Variants in PHACTR4 observed in about 807,000 individuals in gnomAD.
PHACTR4 encodes phosphatase and actin regulator 4.
PHACTR4 carries 51 observed loss-of-function variants against 72.7 expected under a neutral mutation model. The observed-to-expected ratio is 0.70, with a 90% confidence interval of 0.56 to 0.89. PHACTR4 has a LOEUF of 0.89. Among genes scored for constraint, PHACTR4 ranks in the 40% least tolerant of loss-of-function variants. PHACTR4 has a pLI of 0.00. For missense variants in PHACTR4, 731 were observed against 861.8 expected (o/e 0.85, Z 1.90); for synonymous variants, 255 against 302.5 (o/e 0.84, Z 1.63).
Position 28,465,711 on chromosome 1 carries a change from G to A in PHACTR4, c.298G>A (p.Asp100Asn), listed in dbSNP as rs752064929. Residue 100 changes from aspartate (D) to asparagine (N), a missense_variant, in exon 5 of 14, where the codon GAT (aspartate) becomes AAT (asparagine). Coordinates refer to ENST00000373839, the MANE Select transcript of PHACTR4 (RefSeq NM_001048183.3). The part of the protein sequence containing the change: ...QGGEDPGKPS[D>N]AMLKNGHTTP... ...TGGTGAGGATCCAGGAAAGCCAAGC[G>A]ATGCCATGTTAAAGAATGGCCATAC... is the stretch of plus-strand genomic sequence containing the variant. The A allele has an allele frequency of 2.5e-6, 4 of 1,613,702 alleles. No individual in the cohort carries two copies. Among genetic ancestry groups the A allele is most frequent in the East Asian group, 2.2e-5 (1 of 44,858 alleles).
At chr1:28,481,747 G>A (rs1418028159) in intron 9 of PHACTR4, among the ~76,000 whole-genome samples, 1 of 149,886 alleles carries the variant, frequency 6.7e-6, no homozygotes, top group Non-Finnish European at 1.5e-5. Context: ...CTGAGATCGC[G>A]CCACTGTACT....
At position 28,459,250 on chromosome 1, in the gene PHACTR4, C is replaced by G; in HGVS notation, c.182C>G (p.Thr61Ser). The G allele has an allele frequency of 6.2e-7, 1 of 1,612,438 alleles. No homozygotes were observed. The highest frequency in any genetic ancestry group is 1.1e-5 in the South Asian group (1 of 91,026). ...KKKSSDKFKE[T>S]SEVLERKISM... ...AAAAGTAGTGATAAATTTAAAGAGA[C>G]TTCAGAAGGTGAGATATTAAGGGTT... Residue 61 changes from threonine (T) to serine (S), a missense_variant, in exon 3 of 14, where the codon ACT (threonine) becomes AGT (serine). Thr to Ser is a moderately conservative substitution (Grantham distance 58). Transcript: ENST00000373839.
intron 2 of PHACTR4, among the ~76,000 whole-genome samples, chr1:28,455,118 T>C (rs1180903592): frequency 4.0e-5 from 6 of 150,908 alleles, no homozygotes; most frequent in Admixed American, 3.3e-4. Context: ...GATCCACCTG[T>C]CTCGGCCTCC....
intron 2 of PHACTR4, among the ~76,000 whole-genome samples, chr1:28,444,811 T>A (rs191094867): frequency 2.1e-5 from 3 of 140,470 alleles, no homozygotes; most frequent in Non-Finnish European, 4.6e-5. Context: ...GTATTTTTAG[T>A]AGAGACGGGG....
At chr1:28,376,295 A>G (rs1441875571) in intron 1 of PHACTR4, among the ~76,000 whole-genome samples, 1 of 147,390 alleles carries the variant, frequency 6.8e-6, no homozygotes, top group African/African-American at 2.5e-5. Flanking sequence ...CCTGGGTGAC[A>G]GAGTGAGACC....
At chr1:28,486,511 A>G (rs1015966717) in intron 9 of PHACTR4, among the ~76,000 whole-genome samples, 1 of 152,104 alleles carries the variant, frequency 6.6e-6, no homozygotes, top group Non-Finnish European at 1.5e-5. Flanking sequence ...TGTCAGTTAT[A>G]TCGTATTAAA....
intron 1 of PHACTR4, among the ~76,000 whole-genome samples, chr1:28,394,498 C>T (rs1158548406): frequency 1.3e-5 from 2 of 151,948 alleles, no homozygotes; most frequent in East Asian, 1.9e-4. Context: ...GCTATGTTGC[C>T]TGGGCTGGTC....
intron 4 of PHACTR4, among the ~76,000 whole-genome samples, chr1:28,463,859 G>A (rs554184473): frequency 3.0e-4 from 45 of 151,848 alleles, no homozygotes; most frequent in African/African-American, 1.0e-3. Flanking sequence ...CAGCCTCCCA[G>A]GTAGCTGGGA....
In PHACTR4 at chr1:28,458,597, GA is replaced by G. The variant is rs1482671756; in HGVS notation, c.17-486del. ...TTTCCAATACCTAGGGTCCTTTTGT[GA>G]AGGGAGAAAATAATTTGATGAGCAG... On this transcript the variant is annotated intron_variant, in intron 2 of 13. Coordinates refer to ENST00000373839, the MANE Select transcript of PHACTR4 (RefSeq NM_001048183.3). Among the ~76,000 whole-genome samples, 3 of 152,226 alleles carry G rather than the reference GA, an allele frequency of 2.0e-5. No individual in the cohort carries two copies. In the East Asian group the frequency reaches 5.8e-4, roughly 29 times the overall value.
At chr1:28,424,681 G>C (rs944259338) in intron 2 of PHACTR4, among the ~76,000 whole-genome samples, 2 of 151,828 alleles carry the variant, frequency 1.3e-5, no homozygotes, top group African/African-American at 4.8e-5. Context: ...GTAGAGATGG[G>C]GTTTCACTGT....
At chr1:28,416,620 C>A (rs1045982499) in intron 2 of PHACTR4, among the ~76,000 whole-genome samples, 3 of 152,314 alleles carry the variant, frequency 2.0e-5, no homozygotes, top group East Asian at 3.9e-4. Flanking sequence ...CTTCTGACTA[C>A]GTCTTACTCC....
chr1:28,386,096 G>T (rs1652540953), intron 1 of PHACTR4, among the ~76,000 whole-genome samples: 1 of 151,840 alleles, frequency 6.6e-6, no homozygotes, highest in African/African-American at 2.4e-5. Context: ...TTTTTCATTT[G>T]TTTGTTTGTT....
chr1:28,401,455 C>A (rs947568045), intron 1 of PHACTR4, among the ~76,000 whole-genome samples: 3 of 151,730 alleles, frequency 2.0e-5, no homozygotes, highest in African/African-American at 7.3e-5. Context: ...TACAGGCGCC[C>A]GCCACCATGC....
chr1:28,409,515 AAAAG>A (rs1390792406), intron 2 of PHACTR4, among the ~76,000 whole-genome samples: 1 of 152,172 alleles, frequency 6.6e-6, no homozygotes, highest in African/African-American at 2.4e-5. Flanking sequence ...AAAAAGAAAA[AAAAG>A]AAATCAGAGG....
Position 28,491,806 on chromosome 1 carries a change from CTT to C in PHACTR4, c.2016+20_2016+21del, listed in dbSNP as rs1321866223. On this transcript the variant is annotated intron_variant, in intron 12 of 13. Transcript: ENST00000373839. The stretch of plus-strand genomic sequence containing the variant: ...TGACAAGGTACCTGGAAAGCACTCT[CTT>C]GCTTTTTTTCTCTTTCTCTTTTTCT... 2.5e-6 allele frequency: 4 copies of C among 1,603,988 alleles called. No homozygotes were observed. Among genetic ancestry groups the C allele is most frequent in the African/African-American group, 2.7e-5 (2 of 74,164 alleles).
At chr1:28,380,050 AC>A (rs1557774218) in intron 1 of PHACTR4, among the ~76,000 whole-genome samples, 13 of 128,108 alleles carry the variant, frequency 1.0e-4, no homozygotes, top group Admixed American at 1.6e-4. Context: ...TTTAAATGTA[AC>A]TTTTTTTTTT....
intron 6 of PHACTR4, among the ~76,000 whole-genome samples, chr1:28,471,521 C>CTTTT (rs71675377): frequency 1.4e-5 from 2 of 143,162 alleles, no homozygotes; most frequent in Non-Finnish European, 3.1e-5. Context: ...AAAAGAACTA[C>CTTTT]TTTTTTTTTT....
rs1232893646 is a variant in PHACTR4, at chr1:28,466,721, CT to C, written c.777del (p.Ile260SerfsTer22). On this transcript the variant is annotated frameshift_variant, in exon 6 of 14. Transcript: ENST00000373839. LOFTEE classifies it high-confidence loss of function. ...LTHMVPAKQP[P>X]IPPPKPAHRN... ...CATATGGTCCCTGCCAAGCAGCCCC[CT>C]ATCCCTCCCCCTAAACCAGCTCACA... 3.1e-6 allele frequency: 5 copies of C among 1,613,778 alleles called. No individual in the cohort carries two copies. The highest frequency in any genetic ancestry group is 1.7e-5 in the Admixed American group (1 of 59,972).
At chr1:28,491,919 C>A in intron 12 of PHACTR4, 132 bp downstream of exon 12, 1 of 1,183,416 alleles carries the variant, frequency 8.5e-7, no homozygotes, top group Non-Finnish European at 1.1e-6. Flanking sequence ...AATTTCAAAT[C>A]AAGATACAAA....
Sources: gnomAD v4.1 joint callset for allele counts (sites outside exome capture counted in the v4.1 genomes callset) on GRCh38, gnomAD v4.1.1 for gene constraint, MANE v1.5 for transcripts, NCBI Gene and HGNC (gene_info 2026-07-23, HGNC 2026-07-21) for gene names.